The following GRM1 variants were observed in gnomAD, a reference collection of about 807,000 sequenced individuals.
The protein encoded by GRM1 is glutamate metabotropic receptor 1.
Under a neutral mutation model 90.9 loss-of-function variants are expected in GRM1, and 33 were observed. The observed-to-expected ratio is 0.36, with a 90% confidence interval of 0.28 to 0.49. The LOEUF (loss-of-function observed/expected upper bound fraction) is 0.49, where lower values mean the gene tolerates loss of function less well. GRM1 is among the 20% of genes least tolerant of loss of function. GRM1 has a pLI of 0.99. For synonymous variants in GRM1, 700 were observed against 613.2 expected, an observed-to-expected ratio of 1.14 and a Z score of -2.09; for missense variants, 1,190 against 1,534.3, an observed-to-expected ratio of 0.78 and a Z score of 3.75.
At chr6:146,424,012 G>A (rs1308139104) in intron 7 of GRM1, among the ~76,000 whole-genome samples, 3 of 152,154 alleles carry the variant, frequency 2.0e-5, no homozygotes, top group South Asian at 2.1e-4. Flanking sequence ...GTGACTGCAC[G>A]TGCTCAGCCC....
chr6:146,241,270 G>A (rs942945122), intron 2 of GRM1, among the ~76,000 whole-genome samples: 1 of 152,086 alleles, frequency 6.6e-6, no homozygotes, highest in Non-Finnish European at 1.5e-5. Context: ...TTCAACAAAT[G>A]AGACATGTAT....
chr6:146,231,148 A>G (rs1427681961), intron 2 of GRM1, among the ~76,000 whole-genome samples: 1 of 152,152 alleles, frequency 6.6e-6, no homozygotes, highest in African/African-American at 2.4e-5. Context: ...TCTAATGTAA[A>G]CTATAAACTT....
intron 3 of GRM1, among the ~76,000 whole-genome samples, chr6:146,332,459 C>G (rs1363721926): frequency 6.6e-6 from 1 of 152,128 alleles, no homozygotes; most frequent in Non-Finnish European, 1.5e-5. Flanking sequence ...TTGTCTACAT[C>G]CCTTTTCGTG....
chr6:146,172,625 A>G (rs1052102917), intron 2 of GRM1, among the ~76,000 whole-genome samples: 9 of 152,136 alleles, frequency 5.9e-5, no homozygotes, highest in African/African-American at 1.9e-4. Flanking sequence ...GATAAAAAGT[A>G]AGAATCTTAA....
intron 5 of GRM1, among the ~76,000 whole-genome samples, chr6:146,385,262 G>A (rs191713786): frequency 2.0e-5 from 3 of 152,048 alleles, no homozygotes; most frequent in East Asian, 1.9e-4. Context: ...TCAGAAGAAC[G>A]AAATAACAAT....
intron 1 of GRM1, among the ~76,000 whole-genome samples, chr6:146,156,767 G>A (rs1777541387): frequency 6.6e-6 from 1 of 152,188 alleles, no homozygotes; most frequent in South Asian, 2.1e-4. Context: ...AAACAGAGGA[G>A]AGAGAAAGGA....
chr6:146,029,264 C>G lies in GRM1; in HGVS notation c.-254C>G. 7.3e-6 allele frequency: 4 copies of G among 549,454 alleles called. No individual in the cohort carries two copies. Among genetic ancestry groups the G allele is most frequent in the South Asian group, 6.1e-5 (3 of 49,502 alleles). The allele number at this position is 549,454 out of a possible 1,614,324, so 34.0% of individuals were successfully genotyped here. ...TGATCAATTTACCTTGATGCACTAC[C>G]GGTGAAGAACGGGGACTCGAATTCC... On this transcript the variant is annotated 5_prime_UTR_variant, in exon 1 of 8. Transcript: ENST00000282753.
chr6:146,275,774 T>C (rs1031717038), intron 2 of GRM1, among the ~76,000 whole-genome samples: 1 of 152,220 alleles, frequency 6.6e-6, no homozygotes, highest in Admixed American at 6.5e-5. Context: ...ATTGTCAGTG[T>C]TTTACTTTAA....
chr6:146,032,761 T>A (rs1209848319), intron 1 of GRM1, among the ~76,000 whole-genome samples: 1 of 152,188 alleles, frequency 6.6e-6, no homozygotes, highest in East Asian at 1.9e-4. Flanking sequence ...CCTAGTCAAT[T>A]CATTATCATC....
chr6:146,263,645 C>T (rs1026893589), intron 2 of GRM1, among the ~76,000 whole-genome samples: 1 of 151,994 alleles, frequency 6.6e-6, no homozygotes, highest in Non-Finnish European at 1.5e-5. Flanking sequence ...CTATGTCTGT[C>T]TGAATGCCAG....
At chr6:146,299,443 A>G (rs1454091565) in intron 2 of GRM1, among the ~76,000 whole-genome samples, 3 of 151,942 alleles carry the variant, frequency 2.0e-5, no homozygotes, top group Non-Finnish European at 4.4e-5. Flanking sequence ...ATCCTCTTAT[A>G]TTTTGCTTTT....
intron 1 of GRM1, among the ~76,000 whole-genome samples, chr6:146,121,320 T>C (rs1433890845): frequency 6.6e-6 from 1 of 152,190 alleles, no homozygotes; most frequent in East Asian, 1.9e-4. Flanking sequence ...TATTTGATTC[T>C]TCTCTCTTTT....
intron 2 of GRM1, among the ~76,000 whole-genome samples, chr6:146,242,605 A>T (rs1015260825): frequency 3.9e-5 from 6 of 152,108 alleles, no homozygotes; most frequent in Non-Finnish European, 8.8e-5. Flanking sequence ...GTTGCATGAA[A>T]TTCCTGTGCT....
intron 1 of GRM1, among the ~76,000 whole-genome samples, chr6:146,069,156 TAGG>T (rs1775947639): frequency 6.6e-6 from 1 of 152,204 alleles, no homozygotes; most frequent in Non-Finnish European, 1.5e-5. Context: ...GGAGAATATC[TAGG>T]AGTTGAGTCC....
At chr6:146,318,466 G>C (rs905761136) in intron 3 of GRM1, among the ~76,000 whole-genome samples, 1 of 152,144 alleles carries the variant, frequency 6.6e-6, no homozygotes, top group Admixed American at 6.6e-5. Flanking sequence ...ATAAACATAC[G>C]TGTGCATGTG....
intron 7 of GRM1, among the ~76,000 whole-genome samples, chr6:146,414,450 C>CTGGAG (rs1191667935): frequency 6.6e-6 from 1 of 151,504 alleles, no homozygotes; most frequent in Non-Finnish European, 1.5e-5. Context: ...GTCGTCCACG[C>CTGGAG]TGGAGTGGAG....
intron 3 of GRM1, among the ~76,000 whole-genome samples, chr6:146,319,860 T>A (rs1784107771): frequency 6.6e-6 from 1 of 152,232 alleles, no homozygotes; most frequent in Admixed American, 6.5e-5. Flanking sequence ...TAAGGAGTTT[T>A]TGGGCTGAGT....
At chr6:146,267,079 C>A (rs1781917607) in intron 2 of GRM1, among the ~76,000 whole-genome samples, 1 of 152,132 alleles carries the variant, frequency 6.6e-6, no homozygotes, top group Non-Finnish European at 1.5e-5. Flanking sequence ...GTGTTATTCC[C>A]CCCATGTGTC....
intron 3 of GRM1, among the ~76,000 whole-genome samples, chr6:146,331,789 A>T (rs1265640881): frequency 1.3e-5 from 2 of 152,098 alleles, no homozygotes; most frequent in African/African-American, 4.8e-5. Context: ...AATCCCAAAC[A>T]TGTTTATTTT....
Sources: allele counts gnomAD v4.1 joint callset (sites outside exome capture counted in the v4.1 genomes callset), GRCh38; gene constraint gnomAD v4.1.1; transcripts MANE v1.5; gene names NCBI Gene and HGNC (gene_info 2026-07-23, HGNC 2026-07-21).